Variants in PSIP1 observed in about 807,000 individuals in gnomAD.
PSIP1 encodes the protein PC4 and SFRS1-interacting protein.
In PSIP1, 19 loss-of-function variants were observed where a neutral mutation model predicts 74.7. That is an observed-to-expected ratio of 0.25 (90% confidence interval 0.18 to 0.37). PSIP1 has a LOEUF of 0.37. Ranked by LOEUF, PSIP1 falls within the 10% of genes least tolerant of loss-of-function variation. PSIP1 has a pLI of 1.00. For missense variants in PSIP1, 601 were observed against 614.3 expected, an observed-to-expected ratio of 0.98 and a Z score of 0.23; for synonymous variants, 222 against 195.3, an observed-to-expected ratio of 1.14 and a Z score of -1.14.
At position 15,510,172 on chromosome 9, in the gene PSIP1, T is replaced by A; in HGVS notation, c.17A>T (p.Lys6Ile). 1 of 1,606,052 alleles carries A rather than the reference T, an allele frequency of 6.2e-7. No homozygotes were observed. Among genetic ancestry groups the A allele is most frequent in the Non-Finnish European group, 8.5e-7 (1 of 1,176,522 alleles). Residue 6 changes from lysine (K) to isoleucine (I), a missense_variant, in exon 2 of 16, where the codon AAA (lysine) becomes ATA (isoleucine). By Grantham distance (102) the Lys-to-Ile change is moderately radical. Around this residue, in one of 2 missense-constraint regions of PSIP1, gnomAD observed 63 missense variants for 106.7 expected, o/e 0.59. Coordinates refer to ENST00000380733, the MANE Select transcript of PSIP1 (RefSeq NM_033222.5). Reference sequence around the variant, plus strand: ...CTTGGCGAAGATGAGGTCTCCAGGTTTGAAATCGCGAGTCATGTTTCGGGG... The same window carrying A: ...CTTGGCGAAGATGAGGTCTCCAGGTATGAAATCGCGAGTCATGTTTCGGGG... The part of the protein sequence containing the change: MTRDF[K>I]PGDLIFAKMK...
chr9:15,474,279 A>T (rs748602909), intron 8 of PSIP1, 42 bp from the exon 9 acceptor site: 2 of 1,486,836 alleles, frequency 1.3e-6, no homozygotes, highest in Non-Finnish European at 1.8e-6. Context: ...TCATTCAACT[A>T]TAATAGTATT....
exon 1 of PSIP1, chr9:15,510,962 TGCGCTGCTCCC>T (rs1048553416): frequency 3.3e-5 from 5 of 152,948 alleles, no homozygotes; most frequent in African/African-American, 7.2e-5. Flanking sequence ...CCGCCGTAGC[TGCGCTGCTCCC>T]GCGCGGCTCC....
intron 2 of PSIP1, among the ~76,000 whole-genome samples, chr9:15,507,927 T>G (rs552186678): frequency 6.6e-6 from 1 of 152,316 alleles, no homozygotes; most frequent in Admixed American, 6.5e-5. Flanking sequence ...AGATCACACC[T>G]GTTATCTCAA....
Position 15,476,219 on chromosome 9 carries a change from T to C in PSIP1, c.630-1982A>G, listed in dbSNP as rs576228407. Among the ~76,000 whole-genome samples, 41 of 152,328 alleles carry C rather than the reference T, an allele frequency of 2.7e-4. 2 individuals are homozygous for C. In the South Asian group the frequency reaches 7.7e-3, roughly 28 times the overall value. On this transcript the variant is annotated intron_variant, in intron 8 of 15. Transcript: ENST00000380733. Reference sequence around the variant, plus strand: ...AACGTTGTAAAGGCTACTGCTATTTTAGGGTTGTCCATTGCCTCAGGAAAA... The same window carrying C: ...AACGTTGTAAAGGCTACTGCTATTTCAGGGTTGTCCATTGCCTCAGGAAAA...
At chr9:15,477,687 G>C (rs2036150020) in intron 8 of PSIP1, among the ~76,000 whole-genome samples, 1 of 151,824 alleles carries the variant, frequency 6.6e-6, no homozygotes, top group Admixed American at 6.6e-5. Context: ...GATCCAAGTA[G>C]AAAAGGCAGC....
In PSIP1 at chr9:15,464,419, A is replaced by C. The variant is rs1422309755; in HGVS notation, c.*1101T>G. The C allele has an allele frequency of 2.0e-5, 4 of 197,696 alleles. No homozygotes were observed. Among genetic ancestry groups the C allele is most frequent in the African/African-American group, 9.2e-5 (4 of 43,364 alleles). 12.2% of individuals were successfully genotyped at this position (197,696 alleles called of 1,614,324 possible). A position where few individuals can be genotyped will look rare whatever the true frequency, so the allele number is the denominator to read the frequency against. ...ATATTCAAAATATCTTAGAAATGCT[A>C]TCCTTTAGTTAACATACCCTTAAAT... On this transcript the variant is annotated 3_prime_UTR_variant, in exon 16 of 16. Coordinates refer to ENST00000380733, the MANE Select transcript of PSIP1 (RefSeq NM_033222.5).
chr9:15,469,733 C>A (rs1357491884), intron 11 of PSIP1, among the ~76,000 whole-genome samples: 1 of 152,056 alleles, frequency 6.6e-6, no homozygotes, highest in African/African-American at 2.4e-5. Context: ...AATTAATGAG[C>A]ATTAAACATA....
intron 3 of PSIP1, among the ~76,000 whole-genome samples, chr9:15,501,538 G>C (rs2037343883): frequency 6.6e-6 from 1 of 152,004 alleles, no homozygotes; most frequent in South Asian, 2.1e-4. Flanking sequence ...ATAAGATGAG[G>C]CTTATTTTTA....
chr9:15,489,863 TAAG>T, intron 4 of PSIP1, 120 bp downstream of exon 4: 3 of 786,462 alleles, frequency 3.8e-6, no homozygotes, highest in Non-Finnish European at 5.4e-6. Flanking sequence ...ACCTCACAAA[TAAG>T]AACACAACAA....
Position 15,486,902 on chromosome 9 carries a change from A to C in PSIP1, c.318T>G (p.Ser106=), listed in dbSNP as rs1185533020. 2 of 1,611,934 alleles carry C rather than the reference A, an allele frequency of 1.2e-6. No homozygotes were observed. The highest frequency in any genetic ancestry group is 1.7e-6 in the Non-Finnish European group (2 of 1,179,004). The change falls in exon 5 of 16, where the codon TCT becomes TCG. Residue 106 remains serine, a synonymous_variant. Coordinates refer to ENST00000380733, the MANE Select transcript of PSIP1 (RefSeq NM_033222.5). The part of the protein sequence containing the change: ...QAATKQSNAS[S]DVEVEEKETS... Reference sequence around the variant, plus strand: ...TTTCCTTTTCTTCAACTTCAACATCAGATGATGCATTTGATTGTTTAGTTG... The same window carrying C: ...TTTCCTTTTCTTCAACTTCAACATCCGATGATGCATTTGATTGTTTAGTTG...
chr9:15,502,884 T>C (rs2037411620), intron 3 of PSIP1, among the ~76,000 whole-genome samples: 1 of 152,232 alleles, frequency 6.6e-6, no homozygotes, highest in Admixed American at 6.5e-5. Context: ...GAACATTTAC[T>C]ATGAATGTCC....
intron 11 of PSIP1, among the ~76,000 whole-genome samples, 187 bp downstream of exon 11, chr9:15,469,751 C>T (rs1209451817): frequency 6.6e-6 from 1 of 152,062 alleles, no homozygotes; most frequent in African/African-American, 2.4e-5. Flanking sequence ...ATAAACAACT[C>T]AAGCAAGTTC....
At chr9:15,470,629 A>T (rs565677691) in intron 10 of PSIP1, 1 of 952,514 alleles carries the variant, frequency 1.0e-6, no homozygotes, top group East Asian at 1.0e-4. Context: ...AATATCTAAA[A>T]ATCAGGTTTT....
chr9:15,491,750 T>A (rs1363165749), intron 3 of PSIP1, among the ~76,000 whole-genome samples: 2 of 152,112 alleles, frequency 1.3e-5, no homozygotes, highest in Non-Finnish European at 2.9e-5. Context: ...TACCAGAGAC[T>A]GGGTAATTTA....
At chr9:15,476,348 G>C (rs1286767655) in intron 8 of PSIP1, among the ~76,000 whole-genome samples, 1 of 152,140 alleles carries the variant, frequency 6.6e-6, no homozygotes, top group Non-Finnish European at 1.5e-5. Context: ...ATTATACAAT[G>C]GGTAAAACTG....
At chr9:15,488,749 C>A (rs2036672032) in intron 4 of PSIP1, among the ~76,000 whole-genome samples, 1 of 151,358 alleles carries the variant, frequency 6.6e-6, no homozygotes, top group African/African-American at 2.4e-5. Context: ...AGGCTGGACA[C>A]AGTGGCTCAG....
chr9:15,497,006 T>A (rs2132181879), intron 3 of PSIP1, among the ~76,000 whole-genome samples: 1 of 152,308 alleles, frequency 6.6e-6, no homozygotes, highest in Admixed American at 6.5e-5. Flanking sequence ...ATTTGGCAAG[T>A]CTGAGAGTTT....
rs1330113515 is a variant in PSIP1, at chr9:15,469,973, T to C, written c.998A>G (p.Lys333Arg). 5 of 1,607,866 alleles carry C rather than the reference T, an allele frequency of 3.1e-6. No homozygotes were observed. In the African/African-American group the frequency reaches 6.7e-5, roughly 21 times the overall value. The change falls in exon 11 of 16, where the codon AAG becomes AGG. Residue 333 changes from lysine (K) to arginine (R), a missense_variant. Transcript: ENST00000380733. ...CTCCACTTTCTTAACTTCTGGCTTC[T>C]TTCCTTCATCTTTATTCTGCCTATC... is the stretch of plus-strand genomic sequence containing the variant. ...ETEQQNKDEG[K>R]KPEVKKVEKK... is the part of the protein sequence containing the mutation.
intron 3 of PSIP1, chr9:15,492,335 C>A (rs2036869124): frequency 6.6e-6 from 1 of 152,272 alleles, no homozygotes; most frequent in African/African-American, 2.4e-5. Flanking sequence ...AAAGGGGCTA[C>A]AGGCCCCATG....
Sources: gnomAD v4.1 joint callset for allele counts (sites outside exome capture counted in the v4.1 genomes callset) on GRCh38, gnomAD v4.1.1 for gene constraint, gnomAD v4.1.1 regional missense constraint, MANE v1.5 for transcripts, NCBI Gene and HGNC (gene_info 2026-07-23, HGNC 2026-07-21) for gene names.